Variants in ZHX2 observed in about 807,000 individuals in gnomAD.
ZHX2 encodes zinc fingers and homeoboxes 2.
In ZHX2, 6 loss-of-function variants were observed where a neutral mutation model predicts 21.9. That is an observed-to-expected ratio of 0.27 (90% CI 0.15 to 0.54). The LOEUF (loss-of-function observed/expected upper bound fraction) is 0.54, where lower values mean the gene tolerates loss of function less well. Ranked by LOEUF, ZHX2 falls within the 20% of genes least tolerant of loss-of-function variation. The pLI is 0.95. For synonymous variants in ZHX2, 434 were observed against 437.1 expected (o/e 0.99, Z 0.09); for missense variants, 908 against 1,090.7 (o/e 0.83, Z 2.36).
chr8:122,958,697 C>G (rs1375022358), intron 3 of ZHX2, among the ~76,000 whole-genome samples: 1 of 152,194 alleles, frequency 6.6e-6, no homozygotes, highest in Admixed American at 6.5e-5. Context: ...AGTGCCTGAC[C>G]CCAGCCACTA....
chr8:122,788,598 C>T (rs534799242), intron 1 of ZHX2, among the ~76,000 whole-genome samples: 9 of 152,040 alleles, frequency 5.9e-5, no homozygotes, highest in African/African-American at 2.2e-4. Flanking sequence ...AGATAGGAAA[C>T]GAAAGCTCAG....
intron 1 of ZHX2, among the ~76,000 whole-genome samples, chr8:122,835,972 T>C (rs185934522): frequency 5.5e-4 from 82 of 148,132 alleles, no homozygotes; most frequent in African/African-American, 2.1e-3. Flanking sequence ...GTTTTTAGGG[T>C]TTTTTTTTAT....
Position 122,955,081 on chromosome 8 carries a change from GGTGGCAGGGC to G in ZHX2, c.*4+1055_*4+1064del, listed in dbSNP as rs1586423195. Among the ~76,000 whole-genome samples, 5 of 140,726 alleles carry G rather than the reference GGTGGCAGGGC, an allele frequency of 3.6e-5. No homozygotes were observed. The East Asian group carries it at 1.0e-3, about 29-fold the overall frequency. 92.3% of individuals were successfully genotyped at this position (140,726 alleles called of 152,430 possible). On this transcript the variant is annotated intron_variant, in intron 3 of 3. Transcript: ENST00000314393. ...GAGTCACATAAGCCGGGGGGGGGGG[GGTGGCAGGGC>G]GGTTTCCATGGTTACTAATGGCCAT...
chr8:122,799,260 A>C (rs1817670830), intron 1 of ZHX2, among the ~76,000 whole-genome samples: 1 of 152,158 alleles, frequency 6.6e-6, no homozygotes, highest in Admixed American at 6.6e-5. Flanking sequence ...ACGCAGCTGC[A>C]AGGTTTGAGG....
At chr8:122,887,879 C>T (rs1266065299) in intron 2 of ZHX2, among the ~76,000 whole-genome samples, 8 of 152,226 alleles carry the variant, frequency 5.3e-5, no homozygotes, top group South Asian at 2.1e-4. Flanking sequence ...CACCCTCTGC[C>T]GCGCTTGCCG....
intron 1 of ZHX2, among the ~76,000 whole-genome samples, chr8:122,803,096 C>G (rs1012767550): frequency 1.4e-4 from 22 of 152,100 alleles, no homozygotes; most frequent in African/African-American, 5.1e-4. Context: ...GAAACTCCCT[C>G]CCCATCCCCT....
At chr8:122,903,925 T>C (rs908963139) in intron 2 of ZHX2, among the ~76,000 whole-genome samples, 1 of 152,072 alleles carries the variant, frequency 6.6e-6, no homozygotes, top group African/African-American at 2.4e-5. Flanking sequence ...TTTCTCTATT[T>C]CTCCCACTGA....
rs138264161 is a variant in ZHX2 at position 122,912,968 on chromosome 8, T to A, written c.-219-38324T>A. On this transcript the variant is annotated intron_variant, in intron 2 of 3. Coordinates refer to ENST00000314393, the MANE Select transcript of ZHX2 (RefSeq NM_014943.5). ...ATTCAGAGTCATGCGACCATCACCA[T>A]AATTTTAGAACATTCTTATCACCCC... Among the ~76,000 whole-genome samples, 406 of 152,324 alleles carry A rather than the reference T, an allele frequency of 2.7e-3. 3 individuals carry two copies. Among genetic ancestry groups the A allele is most frequent in the African/African-American group, 9.2e-3 (383 of 41,572 alleles).
chr8:122,949,578 T>C (rs1423882890), intron 2 of ZHX2, among the ~76,000 whole-genome samples: 1 of 152,158 alleles, frequency 6.6e-6, no homozygotes, highest in Non-Finnish European at 1.5e-5. Context: ...CAGGCATGGC[T>C]CACACCCATG....
At position 122,847,637 on chromosome 8, in the gene ZHX2, G is replaced by A. The variant is rs116920749; in HGVS notation, c.-282-15840G>A. Among the ~76,000 whole-genome samples the A allele has an allele frequency of 1.4e-3, 219 of 152,356 alleles. 4 individuals are homozygous for A. In the East Asian group the frequency reaches 0.037, roughly 26 times the overall value. On this transcript the variant is annotated intron_variant, in intron 1 of 3. Coordinates refer to ENST00000314393, the MANE Select transcript of ZHX2 (RefSeq NM_014943.5). ...AAAACAACAAAGGTGGTCATCACCAGAACCCACCTTCGCACATGGGGGATG... is the reference window on the plus strand; with the variant it reads ...AAAACAACAAAGGTGGTCATCACCAAAACCCACCTTCGCACATGGGGGATG...
At chr8:122,818,265 A>G (rs957634018) in intron 1 of ZHX2, among the ~76,000 whole-genome samples, 1 of 150,952 alleles carries the variant, frequency 6.6e-6, no homozygotes, top group Non-Finnish European at 1.5e-5. Context: ...CCTTCTCTTT[A>G]TTTGGGGTTG....
rs150065225 is a variant in ZHX2, at chr8:122,790,757, G to A, written c.-283+8811G>A. ...CGAGTAGCTGGGACTACAGGTGCAC[G>A]CCACCATGCCTGGCTAATTTTTGTA... On this transcript the variant is annotated intron_variant, in intron 1 of 3. Coordinates refer to ENST00000314393, the MANE Select transcript of ZHX2 (RefSeq NM_014943.5). 5.8e-3 allele frequency among the ~76,000 whole-genome samples: 884 copies of A among 152,138 alleles called. 16 individuals carry two copies. The highest frequency in any genetic ancestry group is 0.044 in the East Asian group (227 of 5,174).
chr8:122,967,700 T>C (rs1813617597), intron 3 of ZHX2, among the ~76,000 whole-genome samples: 1 of 152,228 alleles, frequency 6.6e-6, no homozygotes, highest in Non-Finnish European at 1.5e-5. Flanking sequence ...GGCAGTGGCA[T>C]TAGCTGTTGT....
intron 3 of ZHX2, among the ~76,000 whole-genome samples, chr8:122,964,799 T>G (rs1813537836): frequency 6.6e-6 from 1 of 152,090 alleles, no homozygotes; most frequent in African/African-American, 2.4e-5. Context: ...GCAATTTTTT[T>G]ATTACTCTTT....
At chr8:122,844,474 T>C (rs1264838251) in intron 1 of ZHX2, among the ~76,000 whole-genome samples, 1 of 152,200 alleles carries the variant, frequency 6.6e-6, no homozygotes, top group Non-Finnish European at 1.5e-5. Flanking sequence ...TATAAAAGTA[T>C]CCCTGCAGTC....
At chr8:122,956,461 G>A (rs1289993410) in intron 3 of ZHX2, among the ~76,000 whole-genome samples, 1 of 152,184 alleles carries the variant, frequency 6.6e-6, no homozygotes, top group East Asian at 1.9e-4. Context: ...GAACACCTAG[G>A]TAGGGGGTTA....
intron 1 of ZHX2, among the ~76,000 whole-genome samples, chr8:122,799,131 A>G (rs1817668094): frequency 6.6e-6 from 1 of 152,216 alleles, no homozygotes; most frequent in Admixed American, 6.5e-5. Context: ...TACATGAAGG[A>G]GCGAGCATGA....
intron 1 of ZHX2, among the ~76,000 whole-genome samples, chr8:122,860,157 G>A (rs117922224): frequency 0.031 from 4,695 of 152,312 alleles, 120 homozygotes; most frequent in Non-Finnish European, 0.045. Flanking sequence ...CGCAGTGAGC[G>A]AAGGGGGAAG....
chr8:122,841,115 A>G (rs1348245318), intron 1 of ZHX2, among the ~76,000 whole-genome samples: 1 of 152,294 alleles, frequency 6.6e-6, no homozygotes, highest in East Asian at 1.9e-4. Context: ...CAGCAGCATT[A>G]CGTACTGCTG....
Sources: gnomAD v4.1 joint callset for allele counts (sites outside exome capture counted in the v4.1 genomes callset) on GRCh38, gnomAD v4.1.1 for gene constraint, MANE v1.5 for transcripts, NCBI Gene and HGNC (gene_info 2026-07-23, HGNC 2026-07-21) for gene names.